ATP8A2: variants seen among roughly 807,000 people sequenced by gnomAD.
ATP8A2 encodes the protein ATPase phospholipid transporting 8A2, also known as phospholipid-transporting ATPase IB.
ATP8A2 carries 100 observed loss-of-function variants against 165.6 expected under a neutral mutation model. The observed-to-expected ratio is 0.60, with a 90% CI of 0.51 to 0.71. The LOEUF (loss-of-function observed/expected upper bound fraction) is 0.71. Among genes scored for constraint, ATP8A2 ranks in the 30% least tolerant of loss-of-function variants. The probability of loss-of-function intolerance (pLI) is 0.00; values close to 1 mark genes in which losing one functional copy is unlikely to be tolerated. For synonymous variants in ATP8A2, 543 were observed against 548.8 expected (o/e 0.99, Z 0.15); for missense variants, 1,227 against 1,479.5 (o/e 0.83, Z 2.80).
intron 27 of ATP8A2, among the ~76,000 whole-genome samples, chr13:25,776,613 A>C (rs1453484151): frequency 6.6e-6 from 1 of 152,054 alleles, no homozygotes; most frequent in Non-Finnish European, 1.5e-5. Context: ...TGGCACTTAA[A>C]GGTGTTTGTC....
intron 33 of ATP8A2, among the ~76,000 whole-genome samples, chr13:25,865,449 A>G (rs1222737678): frequency 1.3e-5 from 2 of 152,192 alleles, no homozygotes; most frequent in East Asian, 3.9e-4. Flanking sequence ...CACACAAAAC[A>G]TTCTGTCTAT....
intron 25 of ATP8A2, among the ~76,000 whole-genome samples, chr13:25,711,992 C>A (rs1020272941): frequency 2.0e-5 from 3 of 152,142 alleles, no homozygotes; most frequent in Admixed American, 2.0e-4. Flanking sequence ...AGCCCATATT[C>A]TCCCAGTTAC....
intron 24 of ATP8A2, among the ~76,000 whole-genome samples, chr13:25,607,886 AC>A (rs2040558930): frequency 6.6e-6 from 1 of 152,178 alleles, no homozygotes; most frequent in South Asian, 2.1e-4. Flanking sequence ...AATTTATTTG[AC>A]CAGTGATTTT....
At chr13:25,432,891 C>G (rs2034654737) in intron 1 of ATP8A2, among the ~76,000 whole-genome samples, 1 of 152,070 alleles carries the variant, frequency 6.6e-6, no homozygotes. Context: ...AGTTTGTGAC[C>G]CGTGCTTTCC....
chr13:25,576,709 G>A (rs2039629001), intron 19 of ATP8A2, among the ~76,000 whole-genome samples: 2 of 152,088 alleles, frequency 1.3e-5, no homozygotes, highest in Admixed American at 6.5e-5. Context: ...CTACCTACTG[G>A]GCAAGTTACT....
intron 25 of ATP8A2, among the ~76,000 whole-genome samples, chr13:25,710,818 G>A (rs1162491482): frequency 2.3e-5 from 3 of 128,210 alleles, no homozygotes; most frequent in African/African-American, 5.7e-5. Context: ...GGATGAGTGT[G>A]TGGTGGGAAA....
chr13:25,737,516 G>A (rs554240320), intron 25 of ATP8A2, among the ~76,000 whole-genome samples: 1 of 152,202 alleles, frequency 6.6e-6, no homozygotes, highest in African/African-American at 2.4e-5. Context: ...TTCTGTGTGT[G>A]TGAGACAGGG....
chr13:25,974,692 C>T (rs767584017), intron 35 of ATP8A2, among the ~76,000 whole-genome samples: 13 of 152,136 alleles, frequency 8.5e-5, no homozygotes, highest in Non-Finnish European at 1.6e-4. Flanking sequence ...CCAGAACCAG[C>T]CCTTCCTTCG....
intron 1 of ATP8A2, among the ~76,000 whole-genome samples, chr13:25,397,835 G>A (rs567697531): frequency 6.6e-6 from 1 of 152,288 alleles, no homozygotes; most frequent in Admixed American, 6.5e-5. Flanking sequence ...AGAAAACTGT[G>A]ACATCTCAAA....
chr13:25,868,684 T>C (rs1489259723), intron 33 of ATP8A2, among the ~76,000 whole-genome samples: 1 of 152,184 alleles, frequency 6.6e-6, no homozygotes. Flanking sequence ...TGGCTTCTGC[T>C]GCACCTATGA....
chr13:25,805,634 A>G (rs945014020), intron 27 of ATP8A2, among the ~76,000 whole-genome samples: 2 of 152,250 alleles, frequency 1.3e-5, no homozygotes, highest in African/African-American at 4.8e-5. Flanking sequence ...ACATGCTTGA[A>G]ATTTAAAGCA....
chr13:25,919,487 G>C (rs548782350), intron 33 of ATP8A2, among the ~76,000 whole-genome samples: 9 of 152,292 alleles, frequency 5.9e-5, no homozygotes, highest in South Asian at 4.1e-4. Context: ...GGCTGTCTGA[G>C]CTCTGAGTTT....
intron 33 of ATP8A2, among the ~76,000 whole-genome samples, chr13:25,958,483 C>T (rs989658531): frequency 2.6e-5 from 4 of 152,152 alleles, no homozygotes; most frequent in Admixed American, 1.3e-4. Context: ...TGCTGCACAG[C>T]TCATTGGCTT....
Position 25,839,529 on chromosome 13 carries a change from G to A in ATP8A2, c.2878-17G>A. On this transcript the variant is annotated splice_polypyrimidine_tract_variant and intron_variant, in intron 29 of 36. Transcript: ENST00000381655. The stretch of plus-strand genomic sequence containing the variant: ...GTTTTGGGCAGCTCCTGACTCCCTT[G>A]GTTTGTTTTTCCTTAGGTTTTCTGG... 6.2e-7 allele frequency: 1 copy of A among 1,607,142 alleles called. No homozygotes were observed. Among genetic ancestry groups the A allele is most frequent in the Non-Finnish European group, 8.5e-7 (1 of 1,173,762 alleles).
intron 23 of ATP8A2, among the ~76,000 whole-genome samples, chr13:25,585,372 T>C (rs1277088835): frequency 6.6e-6 from 1 of 152,200 alleles, no homozygotes; most frequent in African/African-American, 2.4e-5. Context: ...GCAATAGATG[T>C]GGAGTTTTCG....
rs112983551 is a variant in ATP8A2 at position 25,497,804 on chromosome 13, T to TA, written c.221+28691dup. On this transcript the variant is annotated intron_variant, in intron 2 of 36. Coordinates refer to ENST00000381655, the MANE Select transcript of ATP8A2 (RefSeq NM_016529.6). Reference sequence around the variant, plus strand: ...CCCTGTCTCTACTAAAAATAAAAAATAAAAAAAATTAGCTGGGTGTGGGGG... The same window carrying TA: ...CCCTGTCTCTACTAAAAATAAAAAATAAAAAAAAATTAGCTGGGTGTGGGGG... Among the ~76,000 whole-genome samples, 1,056 of 151,214 alleles carry TA rather than the reference T, an allele frequency of 7.0e-3. 12 individuals are homozygous for TA. Among genetic ancestry groups the TA allele is most frequent in the African/African-American group, 0.024 (1,002 of 41,182 alleles).
chr13:25,552,290 G>A (rs115644793), intron 11 of ATP8A2, among the ~76,000 whole-genome samples: 1,672 of 152,152 alleles, frequency 0.011, 30 homozygotes, highest in African/African-American at 0.038. Context: ...CCTGGCCAGG[G>A]TTGTTTTATA....
rs544597245 is a variant in ATP8A2, at chr13:25,613,468, G to C, written c.2211+23769G>C. ...GTGCACCTGTAGTCCCAGCTACTTG[G>C]GAGGCTGAGGCAGGAGAATTGCTTG... On this transcript the variant is annotated intron_variant, in intron 24 of 36. Transcript: ENST00000381655. Among the ~76,000 whole-genome samples, 6 of 152,246 alleles carry C rather than the reference G, an allele frequency of 3.9e-5. No homozygotes were observed. In the East Asian group the frequency reaches 1.2e-3, roughly 29 times the overall value.
At chr13:25,723,466 T>C (rs1184615405) in intron 25 of ATP8A2, among the ~76,000 whole-genome samples, 1 of 152,018 alleles carries the variant, frequency 6.6e-6, no homozygotes, top group Non-Finnish European at 1.5e-5. Flanking sequence ...TGATATTCAG[T>C]TGGCTACAGT....
Sources: gnomAD v4.1 joint callset for allele counts (sites outside exome capture counted in the v4.1 genomes callset) on GRCh38, gnomAD v4.1.1 for gene constraint, MANE v1.5 for transcripts, NCBI Gene and HGNC (gene_info 2026-07-23, HGNC 2026-07-21) for gene names.